Variants in CNKSR2 observed in about 807,000 individuals in gnomAD.
The protein encoded by CNKSR2 is connector enhancer of kinase suppressor of Ras 2, also known as CNK homolog protein 2.
In CNKSR2, 14 loss-of-function variants were observed where a neutral mutation model predicts 84.4. The observed-to-expected ratio is 0.17, with a 90% CI of 0.11 to 0.26. The LOEUF is 0.26. CNKSR2 is among the 10% of genes least tolerant of loss of function. CNKSR2 has a pLI of 1.00. For missense variants in CNKSR2, 485 were observed against 771.2 expected (o/e 0.63, Z 4.40); for synonymous variants, 275 against 277.9 (o/e 0.99, Z 0.10).
intron 10 of CNKSR2, among the ~76,000 whole-genome samples, chrX:21,528,545 C>G (rs1176421688): frequency 9.0e-6 from 1 of 110,506 alleles, no homozygotes; most frequent in Non-Finnish European, 1.9e-5. Flanking sequence ...GTAAAATGAT[C>G]CAGTTTTGTC....
chrX:21,520,054 T>C (rs1016920015), intron 9 of CNKSR2, among the ~76,000 whole-genome samples: 7 of 111,497 alleles, frequency 6.3e-5, no homozygotes, highest in African/African-American at 2.3e-4. Context: ...CAATGATGAA[T>C]TTTGATTTGG....
chrX:21,438,102 A>G (rs773907716), intron 3 of CNKSR2, among the ~76,000 whole-genome samples: 1 of 112,019 alleles, frequency 8.9e-6, no homozygotes, highest in Admixed American at 9.5e-5. Flanking sequence ...GCTAATGATA[A>G]GGATTGGCAA....
At chrX:21,417,541 G>A (rs1328853803) in intron 1 of CNKSR2, among the ~76,000 whole-genome samples, 3 of 110,990 alleles carry the variant, frequency 2.7e-5, no homozygotes, top group African/African-American at 9.8e-5. Context: ...TTATATTGGG[G>A]GTTCTCTCTC....
chrX:21,449,706 C>T (rs778603171), intron 4 of CNKSR2, among the ~76,000 whole-genome samples: 18 of 111,530 alleles, frequency 1.6e-4, no homozygotes, highest in Middle Eastern at 4.6e-3. Flanking sequence ...ACTTCAAAGC[C>T]CAGGCTGATA....
At chrX:21,382,074 A>C (rs1006344348) in intron 1 of CNKSR2, among the ~76,000 whole-genome samples, 2 of 111,892 alleles carry the variant, frequency 1.8e-5, no homozygotes, top group Admixed American at 1.9e-4. Flanking sequence ...TGTTGAGAGA[A>C]GGAATAAATT....
chrX:21,458,956 T>A (rs1205885936), intron 4 of CNKSR2, among the ~76,000 whole-genome samples: 7 of 110,534 alleles, frequency 6.3e-5, no homozygotes. Context: ...CACAGTATCT[T>A]TTTCCTCTGA....
chrX:21,482,681 C>T (rs189715950), intron 5 of CNKSR2, among the ~76,000 whole-genome samples: 1 of 112,075 alleles, frequency 8.9e-6, no homozygotes, highest in East Asian at 2.8e-4. Flanking sequence ...GGGCAGCATG[C>T]TCAGTGTCAG....
intron 1 of CNKSR2, chrX:21,421,733 G>T (rs1231438783): frequency 9.1e-6 from 1 of 109,680 alleles, no homozygotes; most frequent in African/African-American, 3.3e-5. Context: ...GGATATAATG[G>T]GATCATCACT....
intron 20 of CNKSR2, chrX:21,645,052 C>CGAAAAG (rs2092702934): frequency 2.7e-5 from 3 of 111,707 alleles, no homozygotes; most frequent in Non-Finnish European, 3.8e-5. Context: ...TTTGGGCTTT[C>CGAAAAG]AGTTATCACT....
intron 11 of CNKSR2, among the ~76,000 whole-genome samples, chrX:21,533,185 A>T (rs1209093935): frequency 9.0e-6 from 1 of 110,506 alleles, no homozygotes; most frequent in African/African-American, 3.3e-5. Context: ...CCTCAACTAC[A>T]CTACTCTAGT....
intron 21 of CNKSR2, among the ~76,000 whole-genome samples, chrX:21,649,818 GA>G (rs1037636386): frequency 6.3e-5 from 7 of 111,657 alleles, no homozygotes; most frequent in Non-Finnish European, 1.1e-4. Context: ...CAACAAACAT[GA>G]AAAAAAGCTC....
intron 11 of CNKSR2, among the ~76,000 whole-genome samples, chrX:21,541,664 T>C (rs910520889): frequency 8.9e-6 from 1 of 112,065 alleles, no homozygotes; most frequent in Non-Finnish European, 1.9e-5. Context: ...CTTACTGTAA[T>C]ACCTGTTGAG....
chrX:21,430,030 A>T (rs1294346427), intron 2 of CNKSR2, among the ~76,000 whole-genome samples: 9 of 112,272 alleles, frequency 8.0e-5, no homozygotes, highest in African/African-American at 2.6e-4. Context: ...TACTCTTCTA[A>T]ATTTTTAAAA....
chrX:21,517,524 G>A lies in CNKSR2; in HGVS notation c.957+893G>A, dbSNP rs770464441. Among the ~76,000 whole-genome samples, 4 of 111,218 alleles carry A rather than the reference G, an allele frequency of 3.6e-5. No homozygotes were observed. The South Asian group carries it at 1.1e-3, about 31-fold the overall frequency. Reference sequence around the variant, plus strand: ...GAAACATCACTCTTCAGCATGAAACGTTACTCTTAACATTGATAATATATT... The same window carrying A: ...GAAACATCACTCTTCAGCATGAAACATTACTCTTAACATTGATAATATATT... On this transcript the variant is annotated intron_variant, in intron 9 of 21. Transcript: ENST00000379510.
At chrX:21,448,281 G>C (rs1391565798) in intron 4 of CNKSR2, among the ~76,000 whole-genome samples, 2 of 111,423 alleles carry the variant, frequency 1.8e-5, no homozygotes, top group East Asian at 5.6e-4. Flanking sequence ...GTGGGTTATA[G>C]TCCCTCTGTA....
intron 17 of CNKSR2, among the ~76,000 whole-genome samples, chrX:21,599,960 A>G (rs2092472412): frequency 9.0e-6 from 1 of 111,646 alleles, no homozygotes; most frequent in Non-Finnish European, 1.9e-5. Context: ...GTGTGTGTCT[A>G]TATATATACC....
chrX:21,387,267 A>G (rs760532377), intron 1 of CNKSR2, among the ~76,000 whole-genome samples: 69 of 111,529 alleles, frequency 6.2e-4, no homozygotes, highest in African/African-American at 2.1e-3. Context: ...AAATCACTTG[A>G]GCTCAGGAGG....
intron 1 of CNKSR2, among the ~76,000 whole-genome samples, chrX:21,388,263 C>G (rs2089999937): frequency 9.0e-6 from 1 of 111,485 alleles, no homozygotes; most frequent in South Asian, 3.8e-4. Flanking sequence ...AGAAGTTGTT[C>G]CATAGAGTGT....
chrX:21,496,183 C>T (rs1277666301), intron 6 of CNKSR2, among the ~76,000 whole-genome samples: 8 of 111,715 alleles, frequency 7.2e-5, no homozygotes, highest in Non-Finnish European at 1.1e-4. Context: ...TTAACCAGGA[C>T]GTCATTATGC....
Sources: allele counts gnomAD v4.1 joint callset (sites outside exome capture counted in the v4.1 genomes callset), GRCh38; gene constraint gnomAD v4.1.1; transcripts MANE v1.5; gene names NCBI Gene and HGNC (gene_info 2026-07-23, HGNC 2026-07-21).